The following FBXO15 variants were observed in gnomAD, a reference collection of about 807,000 sequenced individuals.
FBXO15 encodes the protein F-box only protein 15.
In FBXO15, 30 loss-of-function variants were observed where a neutral mutation model predicts 49.5. The ratio of observed to expected loss-of-function variants is 0.61; its 90% CI spans 0.45 to 0.82. FBXO15 has a LOEUF of 0.82. FBXO15 is among the 40% of genes least tolerant of loss of function. The pLI, the probability that FBXO15 is intolerant of heterozygous loss-of-function variation, is 0.00. For synonymous variants in FBXO15, 250 were observed against 232.7 expected (o/e 1.07, Z -0.68); for missense variants, 591 against 631.5 (o/e 0.94, Z 0.69).
At chr18:74,131,996 C>T (rs1216803421) in intron 3 of FBXO15, among the ~76,000 whole-genome samples, 1 of 152,162 alleles carries the variant, frequency 6.6e-6, no homozygotes, top group African/African-American at 2.4e-5. Flanking sequence ...ATGGACTTCC[C>T]AACAAATGCA....
chr18:74,133,867 G>C (rs1444233051), intron 3 of FBXO15, among the ~76,000 whole-genome samples: 1 of 152,162 alleles, frequency 6.6e-6, no homozygotes, highest in South Asian at 2.1e-4. Context: ...GAACTACAAG[G>C]AAGGCACCAA....
Position 74,129,631 on chromosome 18 carries a change from A to C in FBXO15, c.576-17T>G, listed in dbSNP as rs992799237. ...CCAAATATTCTGGAGAAAGAAAAAAAAACTAACAATGTTTGCCTCATTGAA... is the reference window on the plus strand; with the variant it reads ...CCAAATATTCTGGAGAAAGAAAAAACAACTAACAATGTTTGCCTCATTGAA... On this transcript the variant is annotated splice_polypyrimidine_tract_variant and intron_variant, in intron 4 of 9. Coordinates refer to ENST00000419743, the MANE Select transcript of FBXO15 (RefSeq NM_001142958.2). 3 of 1,592,434 alleles carry C rather than the reference A, an allele frequency of 1.9e-6. No homozygotes were observed. The African/African-American group carries it at 4.1e-5, about 22-fold the overall frequency.
At chr18:74,130,050 G>T (rs1978319568) in intron 4 of FBXO15, among the ~76,000 whole-genome samples, 1 of 152,114 alleles carries the variant, frequency 6.6e-6, no homozygotes, top group Non-Finnish European at 1.5e-5. Flanking sequence ...CATAGTATGT[G>T]CATATAACCT....
At chr18:74,123,598 T>G in intron 7 of FBXO15, 88 bp from the exon 8 acceptor site, 3 of 1,412,370 alleles carry the variant, frequency 2.1e-6, no homozygotes, top group Non-Finnish European at 2.9e-6. Flanking sequence ...AAAATTACCA[T>G]CTGTATCAAA....
At chr18:74,093,357 C>T (rs1025297514) in intron 8 of FBXO15, among the ~76,000 whole-genome samples, 1 of 151,908 alleles carries the variant, frequency 6.6e-6, no homozygotes, top group Non-Finnish European at 1.5e-5. Context: ...TGCGTGTCAG[C>T]GAGGGCCACT....
chr18:74,090,566 C>G lies in FBXO15; in HGVS notation c.1139-8515G>C, dbSNP rs576412046. ...AGTGCTATAAACTTCCTTCATAACA[C>G]TGCCTTAGCTTTGTCGCAGAGATTT... is the stretch of plus-strand genomic sequence containing the variant. On this transcript the variant is annotated intron_variant, in intron 8 of 9. Coordinates refer to ENST00000419743, the MANE Select transcript of FBXO15 (RefSeq NM_001142958.2). Among the ~76,000 whole-genome samples the G allele has an allele frequency of 1.1e-4, 16 of 152,276 alleles. 1 individual carries two copies. In the South Asian group the frequency reaches 3.3e-3, roughly 32 times the overall value.
intron 9 of FBXO15, among the ~76,000 whole-genome samples, chr18:74,077,533 C>T (rs548718097): frequency 9.8e-5 from 15 of 152,334 alleles, no homozygotes; most frequent in Middle Eastern, 3.4e-3. Context: ...GGAACAGCAG[C>T]GACCAGCCCC....
chr18:74,077,486 C>T (rs1442726155), intron 9 of FBXO15, among the ~76,000 whole-genome samples: 1 of 152,202 alleles, frequency 6.6e-6, no homozygotes, highest in Non-Finnish European at 1.5e-5. Flanking sequence ...ACCTTGCTCC[C>T]TGATGCCTTT....
At chr18:74,090,528 G>A (rs750408931) in intron 8 of FBXO15, among the ~76,000 whole-genome samples, 6 of 152,002 alleles carry the variant, frequency 3.9e-5, no homozygotes, top group Admixed American at 2.0e-4. Flanking sequence ...CTAACTTTTC[G>A]ATGTGGGTGT....
At chr18:74,135,928 T>C in intron 2 of FBXO15, 62 bp from the exon 3 acceptor site, 2 of 1,369,150 alleles carry the variant, frequency 1.5e-6, no homozygotes, top group Non-Finnish European at 2.0e-6. Flanking sequence ...ATCTGCAGAT[T>C]ACCCAGAAAA....
At position 74,140,212 on chromosome 18, in the gene FBXO15, A is replaced by G; in HGVS notation, c.217T>C (p.Phe73Leu). 3.2e-6 allele frequency: 5 copies of G among 1,551,238 alleles called. No individual in the cohort carries two copies. Among genetic ancestry groups the G allele is most frequent in the Non-Finnish European group, 4.4e-6 (5 of 1,146,872 alleles). ...ACTTCTGCTACTTACCCATCCAGGA[A>G]CCCAGAACAGCAGGAGAAAGAGCTC... ...WESSFSCCSGFLDGMPSEILL... is the reference protein window; with the variant it reads ...WESSFSCCSGLLDGMPSEILL... Residue 73 changes from phenylalanine to leucine, a missense_variant, in exon 2 of 10, where the codon TTC (phenylalanine) becomes CTC (leucine). Coordinates refer to ENST00000419743, the MANE Select transcript of FBXO15 (RefSeq NM_001142958.2).
intron 1 of FBXO15, among the ~76,000 whole-genome samples, chr18:74,142,451 G>T (rs1986529): frequency 0.18 from 27,062 of 152,118 alleles, 3,262 homozygotes; most frequent in African/African-American, 0.33. Flanking sequence ...CAGAACAACA[G>T]AAATGTATTA....
intron 8 of FBXO15, among the ~76,000 whole-genome samples, chr18:74,117,594 G>A (rs73476512): frequency 8.1e-4 from 123 of 152,216 alleles, no homozygotes; most frequent in African/African-American, 2.8e-3. Context: ...TGCAGACTGT[G>A]CCACCTACTA....
In FBXO15 at chr18:74,123,393, T is replaced by C. The variant is rs1028314865; in HGVS notation, c.1113A>G (p.Thr371=). 6.2e-7 allele frequency: 1 copy of C among 1,612,410 alleles called. No individual in the cohort carries two copies. Among genetic ancestry groups the C allele is most frequent in the South Asian group, 1.1e-5 (1 of 90,668 alleles). Residue 371 remains threonine (T), a synonymous_variant, in exon 8 of 10, where the codon ACA becomes ACG. Transcript: ENST00000419743. ...CTCTCTTGGTGAAGAGATTGCGAAA[T>C]GTACCACATAGGTAGAAAACCCCAC... ...HSGGVFYLCG[T]FRNLFTKRGN...
At chr18:74,139,603 T>C (rs1285104736) in intron 2 of FBXO15, among the ~76,000 whole-genome samples, 1 of 152,232 alleles carries the variant, frequency 6.6e-6, no homozygotes, top group Non-Finnish European at 1.5e-5. Flanking sequence ...TTCTGCAATA[T>C]GCAGACTACG....
intron 9 of FBXO15, among the ~76,000 whole-genome samples, chr18:74,077,322 A>G (rs1352587199): frequency 2.6e-5 from 4 of 152,222 alleles, no homozygotes; most frequent in African/African-American, 9.7e-5. Context: ...CTAATGCATC[A>G]GGGGCAGCAA....
At chr18:74,105,609 G>GTTT (rs138552161) in intron 8 of FBXO15, among the ~76,000 whole-genome samples, 1 of 148,712 alleles carries the variant, frequency 6.7e-6, no homozygotes, top group Non-Finnish European at 1.5e-5. Context: ...CCAGCTTATG[G>GTTT]TTTTTTTTTT....
In FBXO15 at chr18:74,074,839, T is replaced by C. The variant is rs1912192682; in HGVS notation, c.1264-1109A>G. On this transcript the variant is annotated intron_variant, in intron 9 of 9. Transcript: ENST00000419743. The surrounding 1 kb of genome is among the most constrained non-coding windows in gnomAD (Gnocchi z 4.7). ...ATATGTAAAAAGGCCTGAAGAGCAC[T>C]GCCCATGGACCTAGCCCACCCACTA... is the stretch of plus-strand genomic sequence containing the variant. Among the ~76,000 whole-genome samples, 1 of 152,222 alleles carries C rather than the reference T, an allele frequency of 6.6e-6. No homozygotes were observed. The highest frequency in any genetic ancestry group is 1.5e-5 in the Non-Finnish European group (1 of 68,034).
intron 8 of FBXO15, among the ~76,000 whole-genome samples, chr18:74,114,780 C>T (rs1914160136): frequency 1.3e-5 from 2 of 152,090 alleles, no homozygotes; most frequent in Admixed American, 6.5e-5. Context: ...AAATTAGATC[C>T]TTTTTAAAAT....
Sources: gnomAD v4.1 joint callset for allele counts (sites outside exome capture counted in the v4.1 genomes callset) on GRCh38, gnomAD v4.1.1 for gene constraint, Gnocchi (gnomAD v3.1) non-coding constraint, MANE v1.5 for transcripts, NCBI Gene and HGNC (gene_info 2026-07-23, HGNC 2026-07-21) for gene names.